LONP2: variants seen among roughly 807,000 people sequenced by gnomAD.
LONP2 encodes lon protease homolog 2, peroxisomal.
In LONP2, 60 loss-of-function variants were observed where a neutral mutation model predicts 85.6. The observed-to-expected ratio is 0.70, with a 90% confidence interval of 0.57 to 0.87. The LOEUF (loss-of-function observed/expected upper bound fraction) is 0.87, where lower values mean the gene tolerates loss of function less well. LONP2 is among the 40% of genes least tolerant of loss of function. The probability of loss-of-function intolerance (pLI) is 0.00; values close to 1 mark genes in which losing one functional copy is unlikely to be tolerated. For synonymous variants in LONP2, 395 were observed against 389.7 expected, an observed-to-expected ratio of 1.01 and a Z score of -0.16; for missense variants, 860 against 1,063.5, an observed-to-expected ratio of 0.81 and a Z score of 2.66.
chr16:48,254,629 A>T (rs879392306), intron 2 of LONP2, among the ~76,000 whole-genome samples: 3 of 151,946 alleles, frequency 2.0e-5, no homozygotes, highest in Non-Finnish European at 4.4e-5. Flanking sequence ...CCCGGCCTCC[A>T]TCTCTGAATT....
intron 10 of LONP2, among the ~76,000 whole-genome samples, chr16:48,301,058 G>A (rs1360427227): frequency 1.3e-5 from 2 of 152,150 alleles, no homozygotes; most frequent in Non-Finnish European, 2.9e-5. Flanking sequence ...ATCTGGAGCA[G>A]TTTTGTTAGT....
chr16:48,347,533 A>T lies in LONP2; in HGVS notation c.1965A>T (p.Gly655=). The T allele has an allele frequency of 6.2e-7, 1 of 1,614,236 alleles. No individual in the cohort carries two copies. Among genetic ancestry groups the T allele is most frequent in the Non-Finnish European group, 8.5e-7 (1 of 1,180,040 alleles). ...TATCTCAGCGTTTGAGTCAGCCAGGAGTAGCAATAGGTTTGGCTTGGACTC... is the reference window on the plus strand; with the variant it reads ...TATCTCAGCGTTTGAGTCAGCCAGGTGTAGCAATAGGTTTGGCTTGGACTC... The part of the protein sequence containing the change: ...MEVSQRLSQP[G]VAIGLAWTPL... The change falls in exon 13 of 15, where the codon GGA becomes GGT. Residue 655 remains glycine (G), a synonymous_variant. Transcript: ENST00000285737.
rs1960361591 is a variant in LONP2 at position 48,356,511 on chromosome 16, C to CT, written c.*4710dup. Reference sequence around the variant, plus strand: ...TTGCCATGAAAATTGTATCCAGCAGCTAAAAAAAAAAAAAAAAAAAAAGAC... The same window carrying CT: ...TTGCCATGAAAATTGTATCCAGCAGCTTAAAAAAAAAAAAAAAAAAAAAGAC... On this transcript the variant is annotated 3_prime_UTR_variant, in exon 15 of 15. Coordinates refer to ENST00000285737, the MANE Select transcript of LONP2 (RefSeq NM_031490.5). 1 of 129,154 alleles carries CT rather than the reference C, an allele frequency of 7.7e-6. No individual in the cohort carries two copies. Among genetic ancestry groups the CT allele is most frequent in the South Asian group, 1.9e-4 (1 of 5,254 alleles). The allele number at this position is 129,154 out of a possible 1,614,324, so 8.0% of individuals were successfully genotyped here.
intron 7 of LONP2, among the ~76,000 whole-genome samples, chr16:48,275,511 T>A (rs1405156005): frequency 6.6e-6 from 1 of 152,166 alleles, no homozygotes; most frequent in Non-Finnish European, 1.5e-5. Flanking sequence ...TCAGATGAGT[T>A]ATGGGGCCAG....
intron 12 of LONP2, among the ~76,000 whole-genome samples, chr16:48,337,200 A>G (rs887345520): frequency 5.9e-5 from 9 of 152,148 alleles, no homozygotes; most frequent in African/African-American, 1.9e-4. Context: ...TATTCTTTCT[A>G]CCTTTCTACA....
At chr16:48,334,491 G>T in intron 12 of LONP2, 133 bp downstream of exon 12, 1 of 1,132,758 alleles carries the variant, frequency 8.8e-7, no homozygotes, top group Non-Finnish European at 1.3e-6. Flanking sequence ...TTCTTTTTGG[G>T]ACGCAGGTTG....
At chr16:48,274,363 T>G (rs1972163030) in intron 7 of LONP2, among the ~76,000 whole-genome samples, 4 of 152,100 alleles carry the variant, frequency 2.6e-5, no homozygotes. Flanking sequence ...TACCCCATGA[T>G]GCTTATTTAA....
At chr16:48,332,764 C>T (rs916804390) in intron 11 of LONP2, among the ~76,000 whole-genome samples, 10 of 151,606 alleles carry the variant, frequency 6.6e-5, no homozygotes, top group East Asian at 1.9e-4. Flanking sequence ...AAACATTAGC[C>T]GGGCATGGTG....
intron 8 of LONP2, among the ~76,000 whole-genome samples, chr16:48,283,986 C>G (rs1350948669): frequency 1.3e-5 from 2 of 152,078 alleles, no homozygotes; most frequent in Non-Finnish European, 2.9e-5. Context: ...AGAGTTGATT[C>G]CAGCCCTCAT....
chr16:48,305,015 T>A (rs1196627838), intron 11 of LONP2, among the ~76,000 whole-genome samples: 1 of 152,208 alleles, frequency 6.6e-6, no homozygotes, highest in Non-Finnish European at 1.5e-5. Flanking sequence ...ACAGTGCATT[T>A]TACAGCAGTA....
intron 9 of LONP2, among the ~76,000 whole-genome samples, chr16:48,297,085 G>A (rs1972689208): frequency 6.6e-6 from 1 of 152,098 alleles, no homozygotes; most frequent in African/African-American, 2.4e-5. Context: ...TCGGCTCACT[G>A]CAGCCTCCGC....
At position 48,351,707 on chromosome 16, in the gene LONP2, G is replaced by A; in HGVS notation, c.2464G>A (p.Val822Ile). 6.2e-7 allele frequency: 1 copy of A among 1,614,204 alleles called. No individual in the cohort carries two copies. Among genetic ancestry groups the A allele is most frequent in the Non-Finnish European group, 8.5e-7 (1 of 1,180,032 alleles). ...PGNVRQDLSFVTASCLDEVLN... is the reference protein window; with the variant it reads ...PGNVRQDLSFITASCLDEVLN... ...CAACGTACGACAGGATTTAAGTTTT[G>A]TCACAGCAAGCTGCCTGGATGAGGT... Residue 822 changes from valine (V) to isoleucine (I), a missense_variant, in exon 15 of 15, where the codon GTC becomes ATC. By Grantham distance (29) the Val-to-Ile change is conservative. Transcript: ENST00000285737.
At chr16:48,341,160 C>T (rs1308951892) in intron 12 of LONP2, among the ~76,000 whole-genome samples, 2 of 151,958 alleles carry the variant, frequency 1.3e-5, no homozygotes, top group Admixed American at 6.6e-5. Context: ...ATTAGCTGGG[C>T]GTGGTGGCGC....
intron 4 of LONP2, among the ~76,000 whole-genome samples, chr16:48,260,216 T>G (rs1382997329): frequency 1.3e-5 from 2 of 152,222 alleles, no homozygotes; most frequent in Non-Finnish European, 2.9e-5. Flanking sequence ...ACTTGTGTTT[T>G]TATAAAATTA....
At chr16:48,344,088 A>G (rs1408778404) in intron 12 of LONP2, 1 of 152,256 alleles carries the variant, frequency 6.6e-6, no homozygotes, top group Non-Finnish European at 1.5e-5. Flanking sequence ...TATTTGCTAT[A>G]AAACACAAAT....
chr16:48,245,604 C>T lies in LONP2; in HGVS notation c.233+983C>T, dbSNP rs115851823. ...TTGAAAGTCCTATGTTTTAGCCCCT[C>T]CGTCCCAGGGAAACCAGGAGGTTGG... On this transcript the variant is annotated intron_variant, in intron 1 of 14. Transcript: ENST00000285737. Among the ~76,000 whole-genome samples, 953 of 152,236 alleles carry T rather than the reference C, an allele frequency of 6.3e-3. 11 individuals are homozygous for T. Among genetic ancestry groups the T allele is most frequent in the African/African-American group, 0.022 (909 of 41,520 alleles).
At chr16:48,294,093 T>C (rs993858362) in intron 8 of LONP2, among the ~76,000 whole-genome samples, 9 of 152,102 alleles carry the variant, frequency 5.9e-5, no homozygotes, top group African/African-American at 2.2e-4. Flanking sequence ...TGTGCCACCA[T>C]ACCAGGCTAA....
At chr16:48,251,871 A>C (rs1315262432) in intron 1 of LONP2, among the ~76,000 whole-genome samples, 2 of 152,220 alleles carry the variant, frequency 1.3e-5, no homozygotes, top group African/African-American at 4.8e-5. Context: ...ACGCTTGAAT[A>C]ATCCAAGTGT....
chr16:48,339,216 G>A (rs1959744742), intron 12 of LONP2, among the ~76,000 whole-genome samples: 1 of 152,206 alleles, frequency 6.6e-6, no homozygotes, highest in African/African-American at 2.4e-5. Flanking sequence ...CAAGCCTTCA[G>A]GGAAGAGGAA....
Sources: allele counts gnomAD v4.1 joint callset (sites outside exome capture counted in the v4.1 genomes callset), GRCh38; gene constraint gnomAD v4.1.1; transcripts MANE v1.5; gene names NCBI Gene and HGNC (gene_info 2026-07-23, HGNC 2026-07-21).